DDAH1: variants seen among roughly 807,000 people sequenced by gnomAD.
DDAH1 encodes dimethylarginine dimethylaminohydrolase 1.
In DDAH1, 19 loss-of-function variants were observed where a neutral mutation model predicts 28.8. The observed-to-expected ratio is 0.66, with a 90% CI of 0.46 to 0.97. The LOEUF (loss-of-function observed/expected upper bound fraction) is 0.97. DDAH1 is among the 50% of genes least tolerant of loss of function. The pLI is 0.00. For synonymous variants in DDAH1, 153 were observed against 154.4 expected, an observed-to-expected ratio of 0.99 and a Z score of 0.07; for missense variants, 326 against 375.9, an observed-to-expected ratio of 0.87 and a Z score of 1.10.
At chr1:85,503,516 TTCA>T (rs1477734129) in intron 1 of DDAH1, among the ~76,000 whole-genome samples, 1 of 149,696 alleles carries the variant, frequency 6.7e-6, no homozygotes, top group African/African-American at 2.5e-5. Flanking sequence ...TTCTTTAAAG[TTCA>T]TCTATCTATC....
intron 3 of DDAH1, 104 bp downstream of exon 3, chr1:85,351,402 G>A: frequency 1.1e-6 from 1 of 880,856 alleles, no homozygotes; most frequent in East Asian, 2.5e-5. Flanking sequence ...ATTGTACAAA[G>A]CCAGTGAAGC....
chr1:85,503,894 T>G (rs1212576097), intron 1 of DDAH1, among the ~76,000 whole-genome samples: 4 of 152,130 alleles, frequency 2.6e-5, no homozygotes, highest in African/African-American at 9.7e-5. Flanking sequence ...ACTTCAGTAT[T>G]GCTGCAATGT....
chr1:85,327,163 T>A (rs1052199375), intron 4 of DDAH1, among the ~76,000 whole-genome samples: 1 of 152,156 alleles, frequency 6.6e-6, no homozygotes, highest in African/African-American at 2.4e-5. Context: ...CTGGGCAACA[T>A]GGCGAAACCC....
rs1658218165 is a variant in DDAH1 at position 85,534,877 on chromosome 1, T to C, written c.-122-38596A>G. Among the ~76,000 whole-genome samples, 4 of 152,326 alleles carry C rather than the reference T, an allele frequency of 2.6e-5. No individual in the cohort carries two copies. In the South Asian group the frequency reaches 6.2e-4, roughly 24 times the overall value. On this transcript the variant is annotated intron_variant, in intron 1 of 6. Coordinates refer to the DDAH1 transcript ENST00000426972. Reference sequence around the variant, plus strand: ...TATTATATATTATATAGCATATATTTGATTTGCCAAAGCCTCCCAGTAAAG... The same window carrying C: ...TATTATATATTATATAGCATATATTCGATTTGCCAAAGCCTCCCAGTAAAG...
At chr1:85,411,144 C>T (rs564673450) in intron 1 of DDAH1, among the ~76,000 whole-genome samples, 2 of 152,156 alleles carry the variant, frequency 1.3e-5, no homozygotes, top group East Asian at 3.9e-4. Flanking sequence ...CACAGCATCA[C>T]AAAAAACACT....
At chr1:85,525,567 T>TCACACACACACACACACACACACACACA (rs3058870) in intron 1 of DDAH1, among the ~76,000 whole-genome samples, 129 of 149,080 alleles carry the variant, frequency 8.7e-4, no homozygotes, top group East Asian at 3.6e-3. Context: ...AGAATGATAT[T>TCACACACACACACACACACACACACACA]CACACACACA....
intron 5 of DDAH1, among the ~76,000 whole-genome samples, chr1:85,324,304 A>AAAT (rs1159415970): frequency 6.7e-6 from 1 of 149,636 alleles, no homozygotes; most frequent in African/African-American, 2.4e-5. Flanking sequence ...AATAATAAAT[A>AAAT]AAAAAATAAA....
chr1:85,529,605 C>G (rs1336789883), intron 1 of DDAH1, among the ~76,000 whole-genome samples: 1 of 97,800 alleles, frequency 1.0e-5, no homozygotes, highest in South Asian at 3.0e-4. Context: ...GTTCCACCCC[C>G]ATTCCCACCT....
intron 1 of DDAH1, among the ~76,000 whole-genome samples, chr1:85,406,927 T>C (rs1426322136): frequency 6.6e-6 from 1 of 151,916 alleles, no homozygotes; most frequent in Non-Finnish European, 1.5e-5. Context: ...ACAAGGAAAA[T>C]TAGAGTATAT....
intron 1 of DDAH1, among the ~76,000 whole-genome samples, chr1:85,428,691 G>GAAGT (rs1384092735): frequency 6.6e-6 from 1 of 152,100 alleles, no homozygotes; most frequent in Non-Finnish European, 1.5e-5. Context: ...AGACTCAAGA[G>GAAGT]AAGTAACTCC....
chr1:85,455,042 T>A (rs560062251), intron 1 of DDAH1, among the ~76,000 whole-genome samples: 1 of 152,178 alleles, frequency 6.6e-6, no homozygotes, highest in South Asian at 2.1e-4. Flanking sequence ...AGAACTAGGA[T>A]GGCATGCAGA....
intron 1 of DDAH1, among the ~76,000 whole-genome samples, chr1:85,461,500 T>C (rs1301925640): frequency 6.6e-6 from 1 of 151,858 alleles, no homozygotes; most frequent in East Asian, 1.9e-4. Flanking sequence ...ACAATAACAA[T>C]AGAAAGAGGC....
intron 2 of DDAH1, among the ~76,000 whole-genome samples, chr1:85,479,585 T>G (rs933901611): frequency 6.6e-6 from 1 of 152,202 alleles, no homozygotes; most frequent in Non-Finnish European, 1.5e-5. Context: ...GCTTATTGAG[T>G]ATTACAACAG....
At chr1:85,440,802 A>AGGGCCCAAAAAAAACTGAT (rs1553135328) in intron 1 of DDAH1, among the ~76,000 whole-genome samples, 1 of 151,674 alleles carries the variant, frequency 6.6e-6, no homozygotes, top group Non-Finnish European at 1.5e-5. Flanking sequence ...AAGTCTGGGC[A>AGGGCCCAAAAAAAACTGAT]GGGCCCAAAA....
chr1:85,577,332 G>A (rs1557777796), intron 1 of DDAH1, among the ~76,000 whole-genome samples: 1 of 152,232 alleles, frequency 6.6e-6, no homozygotes, highest in Non-Finnish European at 1.5e-5. Context: ...GGATGGGGGC[G>A]GGGAAATGGT....
In DDAH1 at chr1:85,351,433, C is replaced by T. The variant is rs1570417192; in HGVS notation, c.477+73G>A. 5.1e-6 allele frequency: 6 copies of T among 1,187,750 alleles called. No homozygotes were observed. In the Admixed American group the frequency reaches 8.5e-5, roughly 17 times the overall value. The allele number at this position is 1,187,750 out of a possible 1,614,324, so 73.6% of individuals were successfully genotyped here. A position where few individuals can be genotyped will look rare whatever the true frequency, so the allele number is the denominator to read the frequency against. ...GAAGCGTAAACACCATTACTCATGA[C>T]ATTGATTCAATGGTTCTATGATTAT... On this transcript the variant is annotated intron_variant, in intron 3 of 5. Transcript: ENST00000284031.
chr1:85,426,568 G>A (rs1653401721), intron 1 of DDAH1, among the ~76,000 whole-genome samples: 2 of 152,128 alleles, frequency 1.3e-5, no homozygotes, highest in South Asian at 4.1e-4. Context: ...AACAACTTCT[G>A]CTAATTTAAT....
At chr1:85,468,867 C>A (rs988478765), upstream of DDAH1, among the ~76,000 whole-genome samples, 1 of 152,160 alleles carries the variant, frequency 6.6e-6, no homozygotes, top group Admixed American at 6.5e-5. Flanking sequence ...TTATTCACTA[C>A]CACGAGAACA....
intron 1 of DDAH1, among the ~76,000 whole-genome samples, chr1:85,503,621 G>A (rs548208199): frequency 1.3e-5 from 2 of 151,508 alleles, no homozygotes; most frequent in African/African-American, 4.9e-5. Context: ...AAGGTACCAG[G>A]TTCTGTTCCC....
Sources: allele counts gnomAD v4.1 joint callset (sites outside exome capture counted in the v4.1 genomes callset), GRCh38; gene constraint gnomAD v4.1.1; transcripts MANE v1.5; gene names NCBI Gene and HGNC (gene_info 2026-07-23, HGNC 2026-07-21).